The following SGCZ variants were observed in gnomAD, a reference collection of about 807,000 sequenced individuals.
SGCZ encodes zeta-sarcoglycan.
In SGCZ, 40 loss-of-function variants were observed where a neutral mutation model predicts 41.3. The ratio of observed to expected loss-of-function variants is 0.97; its 90% confidence interval spans 0.75 to 1.26. The LOEUF is 1.26. Ranked by LOEUF, SGCZ falls within the 50% of genes most tolerant of loss-of-function variation. SGCZ has a pLI of 0.00. For synonymous variants in SGCZ, 206 were observed against 137.5 expected (o/e 1.50, Z -3.49); for missense variants, 552 against 369.8 (o/e 1.49, Z -4.04).
chr8:14,808,037 G>C (rs1032571478), intron 1 of SGCZ, among the ~76,000 whole-genome samples: 49 of 152,066 alleles, frequency 3.2e-4, no homozygotes, highest in African/African-American at 1.1e-3. Context: ...TATGTAGAAA[G>C]CTGAAACTGG....
rs1799910734 is a variant in SGCZ, at chr8:14,430,392, T to C, written c.235-106188A>G. ...CCAGGGATGCAGTAATGGTTTAACA[T>C]ATACAAGTCAATAAATGTAATACAC... is the stretch of plus-strand genomic sequence containing the variant. On this transcript the variant is annotated intron_variant, in intron 2 of 7. Coordinates refer to ENST00000382080, the MANE Select transcript of SGCZ (RefSeq NM_139167.4). 2.0e-5 allele frequency among the ~76,000 whole-genome samples: 3 copies of C among 152,214 alleles called. No individual in the cohort carries two copies. The South Asian group carries it at 6.2e-4, about 32-fold the overall frequency.
At chr8:14,125,029 A>AACTC (rs1263322033) in intron 5 of SGCZ, among the ~76,000 whole-genome samples, 5 of 152,190 alleles carry the variant, frequency 3.3e-5, no homozygotes, top group African/African-American at 1.2e-4. Context: ...ATTATGAATG[A>AACTC]ACTCCCATTC....
At chr8:14,709,429 G>A (rs867739529) in intron 1 of SGCZ, among the ~76,000 whole-genome samples, 38 of 152,180 alleles carry the variant, frequency 2.5e-4, no homozygotes, top group Middle Eastern at 3.4e-3. Context: ...GTCATTTACT[G>A]AAAGCTCAAT....
At chr8:14,230,471 T>G (rs1214880592) in intron 4 of SGCZ, among the ~76,000 whole-genome samples, 2 of 152,112 alleles carry the variant, frequency 1.3e-5, no homozygotes, top group African/African-American at 4.8e-5. Flanking sequence ...CTGGAACGGA[T>G]GCCTGGAGTA....
intron 1 of SGCZ, among the ~76,000 whole-genome samples, chr8:14,926,386 A>G (rs1297894250): frequency 2.6e-5 from 4 of 152,212 alleles, no homozygotes; most frequent in African/African-American, 2.4e-5. Context: ...AGAACCATCA[A>G]TGTTAAAAAT....
At chr8:14,735,180 T>C (rs1036906927) in intron 1 of SGCZ, among the ~76,000 whole-genome samples, 1 of 152,168 alleles carries the variant, frequency 6.6e-6, no homozygotes, top group Non-Finnish European at 1.5e-5. Context: ...ACCCAAATTA[T>C]TTTGTGATGG....
chr8:14,353,689 T>C (rs543920917), intron 2 of SGCZ, among the ~76,000 whole-genome samples: 1 of 152,246 alleles, frequency 6.6e-6, no homozygotes, highest in South Asian at 2.1e-4. Flanking sequence ...AATATTGTGA[T>C]AACCTTCTAA....
intron 1 of SGCZ, among the ~76,000 whole-genome samples, chr8:14,937,050 G>A (rs1412237492): frequency 6.6e-6 from 1 of 151,696 alleles, no homozygotes; most frequent in East Asian, 1.9e-4. Context: ...TAAGAGCAGA[G>A]ATTAATAAGA....
intron 1 of SGCZ, among the ~76,000 whole-genome samples, chr8:15,186,480 T>A (rs1800349735): frequency 6.6e-6 from 1 of 152,062 alleles, no homozygotes; most frequent in African/African-American, 2.4e-5. Flanking sequence ...GAAAGGAAGG[T>A]AGAATTTTTC....
At chr8:15,203,617 T>C (rs1301330361) in intron 1 of SGCZ, among the ~76,000 whole-genome samples, 1 of 152,210 alleles carries the variant, frequency 6.6e-6, no homozygotes, top group African/African-American at 2.4e-5. Context: ...GTGGCATTCA[T>C]ATATATCACA....
At chr8:14,113,662 G>T (rs1802440263) in intron 5 of SGCZ, among the ~76,000 whole-genome samples, 1 of 152,048 alleles carries the variant, frequency 6.6e-6, no homozygotes, top group African/African-American at 2.4e-5. Flanking sequence ...TAGCGTACTT[G>T]TTTCCACAGC....
At chr8:14,945,429 G>A (rs1253915421) in intron 1 of SGCZ, among the ~76,000 whole-genome samples, 3 of 151,960 alleles carry the variant, frequency 2.0e-5, no homozygotes, top group African/African-American at 4.8e-5. Context: ...TAAGGCCTCT[G>A]TGCTTGGCAG....
At chr8:14,706,269 C>G (rs1423036997) in intron 1 of SGCZ, among the ~76,000 whole-genome samples, 2 of 151,934 alleles carry the variant, frequency 1.3e-5, no homozygotes, top group Non-Finnish European at 2.9e-5. Flanking sequence ...AAAACAAAAT[C>G]TAGTTCACGC....
intron 1 of SGCZ, among the ~76,000 whole-genome samples, chr8:14,768,994 T>C (rs1164726042): frequency 6.6e-6 from 1 of 151,974 alleles, no homozygotes; most frequent in Non-Finnish European, 1.5e-5. Context: ...AGATACGGGC[T>C]GAAATGTTTA....
intron 1 of SGCZ, among the ~76,000 whole-genome samples, chr8:14,903,731 G>C (rs1016179866): frequency 2.6e-5 from 4 of 151,840 alleles, no homozygotes; most frequent in Non-Finnish European, 5.9e-5. Flanking sequence ...CAGTGTATAG[G>C]GACAGTCAGA....
intron 1 of SGCZ, among the ~76,000 whole-genome samples, chr8:14,864,789 A>G (rs1419043510): frequency 1.3e-5 from 2 of 152,062 alleles, no homozygotes; most frequent in East Asian, 3.9e-4. Flanking sequence ...ATTCCCACCA[A>G]CAGTATATAA....
chr8:14,851,368 C>CAAAAAAAAAAAA (rs369090223), intron 1 of SGCZ, among the ~76,000 whole-genome samples: 3 of 61,894 alleles, frequency 4.8e-5, no homozygotes, highest in African/African-American at 1.3e-4. Flanking sequence ...GACTCCATCT[C>CAAAAAAAAAAAA]AAAAAAAAAA....
intron 1 of SGCZ, among the ~76,000 whole-genome samples, chr8:14,674,899 G>A (rs531230561): frequency 3.5e-5 from 5 of 143,762 alleles, no homozygotes; most frequent in African/African-American, 1.3e-4. Flanking sequence ...TTCCTGTACA[G>A]TGAGCCAATT....
chr8:14,262,143 T>G (rs1425311753), intron 3 of SGCZ, among the ~76,000 whole-genome samples: 3 of 152,184 alleles, frequency 2.0e-5, no homozygotes, highest in Non-Finnish European at 2.9e-5. Flanking sequence ...TGATATGCAT[T>G]AAGGTAACTT....
Sources: allele counts gnomAD v4.1 joint callset (sites outside exome capture counted in the v4.1 genomes callset), GRCh38; gene constraint gnomAD v4.1.1; transcripts MANE v1.5; gene names NCBI Gene and HGNC (gene_info 2026-07-23, HGNC 2026-07-21).